The following AGMO variants were observed in gnomAD, a reference collection of about 807,000 sequenced individuals.
AGMO encodes the protein glyceryl-ether monooxygenase.
AGMO carries 75 observed loss-of-function variants against 60.2 expected under a neutral mutation model. The ratio of observed to expected loss-of-function variants is 1.25; its 90% confidence interval spans 1.03 to 1.51. The LOEUF (loss-of-function observed/expected upper bound fraction) is 1.51, where lower values mean the gene tolerates loss of function less well. Ranked by LOEUF, AGMO falls within the 40% of genes most tolerant of loss-of-function variation. AGMO has a pLI of 0.00. For missense variants in AGMO, 763 were observed against 525.5 expected (o/e 1.45, Z -4.42); for synonymous variants, 261 against 177.1 (o/e 1.47, Z -3.76).
intron 12 of AGMO, among the ~76,000 whole-genome samples, chr7:15,365,307 C>T (rs1446728908): frequency 7.2e-6 from 1 of 138,052 alleles, no homozygotes; most frequent in Admixed American, 8.0e-5. Flanking sequence ...ATCAATCCAA[C>T]TTTACGGGCC....
intron 6 of AGMO, among the ~76,000 whole-genome samples, chr7:15,393,771 C>T (rs1465472611): frequency 6.6e-6 from 1 of 152,164 alleles, no homozygotes; most frequent in Admixed American, 6.6e-5. Flanking sequence ...ACCTTCAGCA[C>T]TGGGTCAAGA....
At chr7:15,160,831 T>C in the AGMO span, among the ~76,000 whole-genome samples, 1 of 152,154 alleles carries the variant, frequency 6.6e-6, no homozygotes, top group African/African-American at 2.4e-5. Context: ...ATGCACTCTG[T>C]GCTGCTATAA....
chr7:15,279,089 T>A (rs1005454431), intron 12 of AGMO, among the ~76,000 whole-genome samples: 1 of 152,288 alleles, frequency 6.6e-6, no homozygotes, highest in East Asian at 1.9e-4. Flanking sequence ...CCACATGACC[T>A]TGAGCAATGC....
chr7:15,390,537 TA>T (rs1784094342), intron 8 of AGMO, 133 bp downstream of exon 8: 2 of 539,482 alleles, frequency 3.7e-6, no homozygotes, highest in African/African-American at 2.0e-5. Flanking sequence ...GAGTTATTTG[TA>T]AATTTTTTAA....
At chr7:15,202,645 T>C (rs917166524) in intron 12 of AGMO, among the ~76,000 whole-genome samples, 9 of 151,884 alleles carry the variant, frequency 5.9e-5, no homozygotes, top group African/African-American at 1.9e-4. Flanking sequence ...ACCCACAATA[T>C]GAAAAAATAC....
At chr7:15,357,868 G>A (rs1782601781) in intron 12 of AGMO, among the ~76,000 whole-genome samples, 2 of 152,142 alleles carry the variant, frequency 1.3e-5, no homozygotes, top group Admixed American at 6.5e-5. Flanking sequence ...TTTGCTTTAA[G>A]CCATTAAGTT....
intron 12 of AGMO, among the ~76,000 whole-genome samples, chr7:15,339,056 C>T (rs950130033): frequency 7.2e-5 from 11 of 152,180 alleles, no homozygotes; most frequent in African/African-American, 2.7e-4. Flanking sequence ...CTCCAGGTTA[C>T]TGTAGTAGCG....
chr7:15,283,355 G>T (rs1489837617), intron 12 of AGMO, among the ~76,000 whole-genome samples: 1 of 151,652 alleles, frequency 6.6e-6, no homozygotes, highest in Non-Finnish European at 1.5e-5. Flanking sequence ...AACATATAAA[G>T]ATTCATATAA....
chr7:15,194,409 C>T, the AGMO span, among the ~76,000 whole-genome samples: 1 of 151,922 alleles, frequency 6.6e-6, no homozygotes, highest in African/African-American at 2.4e-5. Flanking sequence ...AGTAAAATAA[C>T]TTAAAAGTCT....
intron 11 of AGMO, 111 bp downstream of exon 11, chr7:15,366,029 T>C (rs1384147154): frequency 9.4e-6 from 7 of 745,040 alleles, no homozygotes; most frequent in South Asian, 7.2e-5. Flanking sequence ...CAAAATTTTA[T>C]ATTTATTTTT....
intron 12 of AGMO, among the ~76,000 whole-genome samples, chr7:15,262,635 A>G (rs1042542143): frequency 6.6e-6 from 1 of 152,036 alleles, no homozygotes; most frequent in African/African-American, 2.4e-5. Flanking sequence ...ATAGAACCCA[A>G]AAAGAGCCTG....
intron 12 of AGMO, among the ~76,000 whole-genome samples, chr7:15,337,636 C>A (rs541254431): frequency 6.6e-6 from 1 of 152,278 alleles, no homozygotes; most frequent in East Asian, 1.9e-4. Context: ...GGGCCAACTG[C>A]AACCCACCTG....
intron 5 of AGMO, among the ~76,000 whole-genome samples, chr7:15,406,056 A>C (rs2128490889): frequency 6.6e-6 from 1 of 151,918 alleles, no homozygotes. Flanking sequence ...AATTTTAGAC[A>C]GTCCAGCTTC....
chr7:15,233,404 C>T (rs970479166), intron 12 of AGMO, among the ~76,000 whole-genome samples: 2 of 152,150 alleles, frequency 1.3e-5, no homozygotes, highest in Middle Eastern at 3.4e-3. Context: ...AAGATCCAGG[C>T]AGAAAAACAC....
intron 12 of AGMO, among the ~76,000 whole-genome samples, chr7:15,285,604 C>G (rs747658133): frequency 6.6e-6 from 1 of 151,854 alleles, no homozygotes; most frequent in Non-Finnish European, 1.5e-5. Flanking sequence ...TATCCCAGGC[C>G]CTTGGATTGG....
chr7:15,270,948 T>C (rs1783587216), intron 12 of AGMO, among the ~76,000 whole-genome samples: 1 of 151,974 alleles, frequency 6.6e-6, no homozygotes. Context: ...ATTTTTGTCA[T>C]CTTTGACAAA....
At chr7:15,403,245 C>T (rs193033512) in intron 5 of AGMO, among the ~76,000 whole-genome samples, 1 of 151,256 alleles carries the variant, frequency 6.6e-6, no homozygotes, top group African/African-American at 2.4e-5. Context: ...TAGATGTGTG[C>T]TTTTATTTAG....
chr7:15,245,667 G>T (rs762009486), intron 12 of AGMO, among the ~76,000 whole-genome samples: 1 of 152,154 alleles, frequency 6.6e-6, no homozygotes, highest in Non-Finnish European at 1.5e-5. Context: ...AACAATTTTC[G>T]CTACTAAAAA....
intron 12 of AGMO, among the ~76,000 whole-genome samples, chr7:15,284,066 G>C (rs1303841550): frequency 6.6e-6 from 1 of 151,796 alleles, no homozygotes; most frequent in Non-Finnish European, 1.5e-5. Context: ...AAAACCTCTG[G>C]GATACAGCAA....
Sources: gnomAD v4.1 joint callset for allele counts (sites outside exome capture counted in the v4.1 genomes callset) on GRCh38, gnomAD v4.1.1 for gene constraint, MANE v1.5 for transcripts, NCBI Gene and HGNC (gene_info 2026-07-23, HGNC 2026-07-21) for gene names.